The following HS3ST4 variants were observed in gnomAD, a reference collection of about 807,000 sequenced individuals.
HS3ST4 encodes heparan sulfate-glucosamine 3-sulfotransferase 4.
HS3ST4 carries 17 observed loss-of-function variants against 29.2 expected under a neutral mutation model. The ratio of observed to expected loss-of-function variants is 0.58; its 90% CI spans 0.40 to 0.87. The LOEUF (loss-of-function observed/expected upper bound fraction) is 0.87, where lower values mean the gene tolerates loss of function less well. Among genes scored for constraint, HS3ST4 ranks in the 40% least tolerant of loss-of-function variants. The pLI, the probability that HS3ST4 is intolerant of heterozygous loss-of-function variation, is 0.00. For missense variants in HS3ST4, 627 were observed against 634.5 expected, an observed-to-expected ratio of 0.99 and a Z score of 0.13; for synonymous variants, 314 against 285.7, an observed-to-expected ratio of 1.10 and a Z score of -1.00.
chr16:26,044,149 G>A (rs530361384), intron 1 of HS3ST4, among the ~76,000 whole-genome samples: 55 of 152,338 alleles, frequency 3.6e-4, no homozygotes, highest in Non-Finnish European at 6.8e-4. Context: ...TCACTGCGTC[G>A]TGTGGATAAA....
intron 1 of HS3ST4, among the ~76,000 whole-genome samples, chr16:26,024,521 C>T (rs1367760010): frequency 3.3e-5 from 5 of 152,096 alleles, no homozygotes; most frequent in African/African-American, 1.2e-4. Flanking sequence ...CCTCTGAGGT[C>T]AGGAGTTCAA....
intron 1 of HS3ST4, among the ~76,000 whole-genome samples, chr16:25,968,541 C>T (rs1018278800): frequency 5.9e-5 from 9 of 152,122 alleles, no homozygotes; most frequent in Non-Finnish European, 1.0e-4. Flanking sequence ...TATTTTCCTG[C>T]ATTCAGCCTC....
intron 1 of HS3ST4, among the ~76,000 whole-genome samples, chr16:25,928,999 C>T (rs1968437748): frequency 6.6e-6 from 1 of 152,046 alleles, no homozygotes; most frequent in Non-Finnish European, 1.5e-5. Flanking sequence ...CCAAGGTGTG[C>T]AAGAGTGAAC....
intron 1 of HS3ST4, among the ~76,000 whole-genome samples, chr16:25,887,696 T>C (rs964773181): frequency 1.6e-5 from 2 of 121,760 alleles, no homozygotes; most frequent in African/African-American, 5.7e-5. Flanking sequence ...ACCTGATTTT[T>C]TTTTTTTTTT....
intron 1 of HS3ST4, among the ~76,000 whole-genome samples, chr16:26,114,438 A>G (rs1246346960): frequency 3.3e-5 from 5 of 152,182 alleles, no homozygotes; most frequent in Admixed American, 6.5e-5. Context: ...AAGACACGTT[A>G]TAGCATCTGG....
chr16:26,039,608 A>G (rs201861771), intron 1 of HS3ST4, among the ~76,000 whole-genome samples: 4 of 152,170 alleles, frequency 2.6e-5, no homozygotes, highest in African/African-American at 7.2e-5. Context: ...CAATTACACT[A>G]TTTTAATTAT....
In HS3ST4 at chr16:25,957,950, A is replaced by G. The variant is rs561353888; in HGVS notation, c.735-177662A>G. On this transcript the variant is annotated intron_variant, in intron 1 of 1. Coordinates refer to ENST00000331351, the MANE Select transcript of HS3ST4 (RefSeq NM_006040.3). ...TTGTGTTTCCTTAGACTCTTCTTGT[A>G]AGGAGGTCTCACACTACTCTCCAGC... Among the ~76,000 whole-genome samples, 6 of 152,150 alleles carry G rather than the reference A, an allele frequency of 3.9e-5. No homozygotes were observed. In the South Asian group the frequency reaches 1.2e-3, roughly 32 times the overall value.
At chr16:25,882,663 C>A (rs375985959) in intron 1 of HS3ST4, among the ~76,000 whole-genome samples, 1 of 152,148 alleles carries the variant, frequency 6.6e-6, no homozygotes, top group Non-Finnish European at 1.5e-5. Flanking sequence ...ACTGTTCCAT[C>A]TTGAGGGCTT....
At chr16:25,707,150 T>C (rs1353489892) in intron 1 of HS3ST4, among the ~76,000 whole-genome samples, 1 of 152,164 alleles carries the variant, frequency 6.6e-6, no homozygotes, top group Non-Finnish European at 1.5e-5. Flanking sequence ...GAGTAACCTT[T>C]ACTTTACTTA....
At chr16:25,978,942 G>GGTT (rs1968973282) in intron 1 of HS3ST4, among the ~76,000 whole-genome samples, 1 of 132,256 alleles carries the variant, frequency 7.6e-6, no homozygotes, top group South Asian at 2.4e-4. Flanking sequence ...TTCTCTTTTT[G>GGTT]TTTTTTTTTT....
At chr16:25,755,263 G>C (rs1360100319) in intron 1 of HS3ST4, among the ~76,000 whole-genome samples, 1 of 152,158 alleles carries the variant, frequency 6.6e-6, no homozygotes, top group Non-Finnish European at 1.5e-5. Flanking sequence ...TATTAAAAGA[G>C]TCAGAAATTA....
At chr16:25,996,931 G>C (rs1233598438) in intron 1 of HS3ST4, among the ~76,000 whole-genome samples, 1 of 151,790 alleles carries the variant, frequency 6.6e-6, no homozygotes, top group Non-Finnish European at 1.5e-5. Flanking sequence ...CAGTTTTATA[G>C]GTTTCTTTAT....
At chr16:25,998,385 T>C (rs935070565) in intron 1 of HS3ST4, among the ~76,000 whole-genome samples, 1 of 152,200 alleles carries the variant, frequency 6.6e-6, no homozygotes, top group Non-Finnish European at 1.5e-5. Context: ...ATAGTATACT[T>C]CTGTTACTAA....
chr16:25,751,744 C>T (rs759440020), intron 1 of HS3ST4, among the ~76,000 whole-genome samples: 2 of 152,198 alleles, frequency 1.3e-5, no homozygotes, highest in Admixed American at 6.5e-5. Context: ...TAAATCTAAT[C>T]GCCTTTCCTG....
chr16:25,711,398 T>C (rs1966414347), intron 1 of HS3ST4, among the ~76,000 whole-genome samples: 1 of 152,048 alleles, frequency 6.6e-6, no homozygotes, highest in African/African-American at 2.4e-5. Flanking sequence ...CCCTTCCGCC[T>C]GGGCTATTTC....
At chr16:26,023,053 A>G (rs968602585) in intron 1 of HS3ST4, among the ~76,000 whole-genome samples, 3 of 152,214 alleles carry the variant, frequency 2.0e-5, no homozygotes, top group Non-Finnish European at 2.9e-5. Flanking sequence ...AAAAAAAAGA[A>G]GAAGAAAAAA....
chr16:26,060,619 C>G (rs767775437), intron 1 of HS3ST4, among the ~76,000 whole-genome samples: 1 of 152,150 alleles, frequency 6.6e-6, no homozygotes, highest in Admixed American at 6.6e-5. Flanking sequence ...CAGCATAGTT[C>G]TGCAATCTCT....
rs541853901 is a variant in HS3ST4 at position 26,082,502 on chromosome 16, T to G, written c.735-53110T>G. ...TCCACTGTTACTCACTTGGGCACAT[T>G]ACCTAACATTTCTGCACCGTTATGT... On this transcript the variant is annotated intron_variant, in intron 1 of 1. Transcript: ENST00000331351. 4.6e-5 allele frequency among the ~76,000 whole-genome samples: 7 copies of G among 152,298 alleles called. No homozygotes were observed. The South Asian group carries it at 1.5e-3, about 32-fold the overall frequency.
chr16:25,821,868 C>T (rs1469486258), intron 1 of HS3ST4, among the ~76,000 whole-genome samples: 1 of 152,078 alleles, frequency 6.6e-6, no homozygotes, highest in Non-Finnish European at 1.5e-5. Context: ...AGGATCGTGC[C>T]ACTACCCTCT....
Sources: allele counts gnomAD v4.1 joint callset (sites outside exome capture counted in the v4.1 genomes callset), GRCh38; gene constraint gnomAD v4.1.1; transcripts MANE v1.5; gene names NCBI Gene and HGNC (gene_info 2026-07-23, HGNC 2026-07-21).